Variants in CLTB observed in about 807,000 individuals in gnomAD.
The protein encoded by CLTB is clathrin light chain B.
A neutral mutation model predicts 30.5 loss-of-function variants in CLTB; 10 were observed. The ratio of observed to expected loss-of-function variants is 0.33; its 90% confidence interval spans 0.20 to 0.56. The LOEUF is 0.56. Among genes scored for constraint, CLTB ranks in the 20% least tolerant of loss-of-function variants. The pLI is 0.91. For synonymous variants in CLTB, 102 were observed against 120.3 expected, an observed-to-expected ratio of 0.85 and a Z score of 1.00; for missense variants, 261 against 308.3, an observed-to-expected ratio of 0.85 and a Z score of 1.15.
intron 2 of CLTB, among the ~76,000 whole-genome samples, chr5:176,404,487 G>A (rs568131299): frequency 6.6e-6 from 1 of 152,220 alleles, no homozygotes; most frequent in African/African-American, 2.4e-5. Context: ...CTAGCCCACA[G>A]CCAGCCAGCT....
At position 176,397,630 on chromosome 5, in the gene CLTB, T is replaced by C. The variant is rs139382437; in HGVS notation, c.441A>G (p.Val147=). The C allele has an allele frequency of 5.0e-6, 8 of 1,590,956 alleles. No homozygotes were observed. The highest frequency in any genetic ancestry group is 6.0e-6 in the Non-Finnish European group (7 of 1,166,484). Reference sequence around the variant, plus strand: ...ACCGGTTGTTGATCTTGTTCTTCTCTACTTGTTCACTCTGGCGCTGGTTCC... The same window carrying C: ...ACCGGTTGTTGATCTTGTTCTTCTCCACTTGTTCACTCTGGCGCTGGTTCC... ...EEWNQRQSEQ[V]EKNKINNRIA... is the part of the protein sequence containing the mutation. Residue 147 remains valine, a synonymous_variant, in exon 4 of 6, where the codon GTA becomes GTG. Transcript: ENST00000310418.
Position 176,393,950 on chromosome 5 carries a change from T to C in CLTB, c.519-1005A>G, listed in dbSNP as rs1408172112. Among the ~76,000 whole-genome samples the C allele has an allele frequency of 6.6e-6, 1 of 152,224 alleles. No individual in the cohort carries two copies. The highest frequency in any genetic ancestry group is 1.5e-5 in the Non-Finnish European group (1 of 68,038). ...TCTCCATCTCAAGCAGGACCAGTTC[T>C]GCCGATGCCAGACATGACTGATGGC... is the stretch of plus-strand genomic sequence containing the variant. On this transcript the variant is annotated intron_variant, in intron 5 of 5. Transcript: ENST00000310418. The surrounding 1 kb of genome is among the most constrained non-coding windows in gnomAD (Gnocchi z 4.4).
chr5:176,396,415 CAAGA>C, intron 5 of CLTB, 60 bp downstream of exon 5: 4 of 1,395,172 alleles, frequency 2.9e-6, no homozygotes, highest in Non-Finnish European at 4.1e-6. Flanking sequence ...GCAGGAAACT[CAAGA>C]AACTGTGGTG....
Position 176,396,565 on chromosome 5 carries a change from G to T in CLTB, c.465-33C>A, listed in dbSNP as rs755060024. On this transcript the variant is annotated intron_variant, in intron 4 of 5. Coordinates refer to ENST00000310418, the MANE Select transcript of CLTB (RefSeq NM_007097.5). ...GAAAGGTTGAGGGAAGGGGTTAGGT[G>T]GGGGAAGGCAGATGGCAAGACAGAC... The T allele has an allele frequency of 1.1e-5, 18 of 1,570,788 alleles. No individual in the cohort carries two copies. In the African/African-American group the frequency reaches 2.1e-4, roughly 18 times the overall value.
At chr5:176,415,314 G>A (rs1347241246) in intron 1 of CLTB, among the ~76,000 whole-genome samples, 3 of 152,120 alleles carry the variant, frequency 2.0e-5, no homozygotes, top group African/African-American at 7.2e-5. Context: ...CCCACACTCC[G>A]GTGTCTAACT....
chr5:176,400,932 G>C (rs1259163435), intron 2 of CLTB, among the ~76,000 whole-genome samples: 1 of 152,120 alleles, frequency 6.6e-6, no homozygotes, highest in Non-Finnish European at 1.5e-5. Context: ...GAACATCAGG[G>C]CTACAGTCTC....
At position 176,396,665 on chromosome 5, in the gene CLTB, G is replaced by T; in HGVS notation, c.465-133C>A. 3 of 738,838 alleles carry T rather than the reference G, an allele frequency of 4.1e-6. No individual in the cohort carries two copies. In the South Asian group the frequency reaches 4.4e-5, roughly 11 times the overall value. The allele number at this position is 738,838 out of a possible 1,614,324, so 45.8% of individuals were successfully genotyped here. ...AGTGGGAGAAATGTTAGGAAGCATA[G>T]TTCTGGAAGGCTCAGCAACGACCCA... On this transcript the variant is annotated intron_variant, in intron 4 of 5. Coordinates refer to ENST00000310418, the MANE Select transcript of CLTB (RefSeq NM_007097.5).
intron 2 of CLTB, among the ~76,000 whole-genome samples, chr5:176,403,166 CT>C (rs1325377731): frequency 2.7e-5 from 4 of 150,474 alleles, no homozygotes; most frequent in Non-Finnish European, 5.9e-5. Context: ...TCTCCTGCCT[CT>C]GCCTCCCAAG....
rs955588539 is a variant in CLTB at position 176,394,687 on chromosome 5, C to T, written c.519-1742G>A. 3.2e-4 allele frequency among the ~76,000 whole-genome samples: 48 copies of T among 152,068 alleles called. 1 individual carries two copies. Among genetic ancestry groups the T allele is most frequent in the Admixed American group, 2.6e-4 (4 of 15,270 alleles). ...AAAATTAGCCGGGCATGGTGGCGGG[C>T]ACCTGTAGTCCCAGCTACTCAGGAG... On this transcript the variant is annotated intron_variant, in intron 5 of 5. Transcript: ENST00000310418.
chr5:176,396,296 TC>T (rs1756517787), intron 5 of CLTB, among the ~76,000 whole-genome samples, 182 bp downstream of exon 5: 2 of 152,158 alleles, frequency 1.3e-5, no homozygotes. Context: ...CCAAGCAGCC[TC>T]CACTTCACTG....
At chr5:176,406,655 C>T (rs1338112858) in intron 2 of CLTB, 1 of 1,289,384 alleles carries the variant, frequency 7.8e-7, no homozygotes, top group Non-Finnish European at 1.0e-6. Flanking sequence ...CAGGCTCGTC[C>T]TTAGGCTGTA....
At chr5:176,405,222 G>T (rs934493160) in intron 2 of CLTB, among the ~76,000 whole-genome samples, 1 of 152,104 alleles carries the variant, frequency 6.6e-6, no homozygotes, top group Non-Finnish European at 1.5e-5. Flanking sequence ...AGGTGCAGCG[G>T]CTCACACCTG....
chr5:176,397,291 G>T (rs529011743), intron 4 of CLTB, among the ~76,000 whole-genome samples: 1 of 151,626 alleles, frequency 6.6e-6, no homozygotes, highest in African/African-American at 2.4e-5. Flanking sequence ...GCAGTGTTCA[G>T]TCATGTCCCC....
intron 1 of CLTB, among the ~76,000 whole-genome samples, chr5:176,411,209 T>C (rs1329702953): frequency 6.6e-6 from 1 of 152,244 alleles, no homozygotes; most frequent in Non-Finnish European, 1.5e-5. Flanking sequence ...AACGACTGCA[T>C]GGCTTTTGCC....
chr5:176,399,455 A>G (rs1326225269), intron 2 of CLTB, among the ~76,000 whole-genome samples: 1 of 152,084 alleles, frequency 6.6e-6, no homozygotes, highest in East Asian at 1.9e-4. Context: ...TCATTTGAAA[A>G]ATGGGGCTGG....
At chr5:176,404,370 C>T (rs1038974095) in intron 2 of CLTB, among the ~76,000 whole-genome samples, 1 of 152,226 alleles carries the variant, frequency 6.6e-6, no homozygotes, top group Non-Finnish European at 1.5e-5. Flanking sequence ...TTGTGAGAAG[C>T]GTCCGGGGCT....
At chr5:176,396,672 A>G (rs973271567) in intron 4 of CLTB, 140 bp from the exon 5 acceptor site, 3 of 721,986 alleles carry the variant, frequency 4.2e-6, no homozygotes, top group South Asian at 1.5e-5. Context: ...ATAGTTCTGG[A>G]AGGCTCAGCA....
At position 176,408,227 on chromosome 5, in the gene CLTB, CT is replaced by C. The variant is rs548324556; in HGVS notation, c.234+2029del. ...GAAATACACTTACTAGGGTTTTCCT[CT>C]TTTTTTTTTTTTTAAGACTGTCATG... On this transcript the variant is annotated intron_variant, in intron 2 of 5. Coordinates refer to ENST00000310418, the MANE Select transcript of CLTB (RefSeq NM_007097.5). Among the ~76,000 whole-genome samples, 729 of 144,012 alleles carry C rather than the reference CT, an allele frequency of 5.1e-3. 2 individuals carry two copies. Among genetic ancestry groups the C allele is most frequent in the African/African-American group, 0.014 (536 of 39,306 alleles). The allele number at this position is 144,012 out of a possible 152,430, so 94.5% of individuals were successfully genotyped here.
chr5:176,395,775 A>G (rs1303856798), intron 5 of CLTB, among the ~76,000 whole-genome samples: 2 of 152,176 alleles, frequency 1.3e-5, no homozygotes, highest in Admixed American at 6.5e-5. Context: ...TGGATGTCAC[A>G]AAGGAGCAGC....
Sources: gnomAD v4.1 joint callset for allele counts (sites outside exome capture counted in the v4.1 genomes callset) on GRCh38, gnomAD v4.1.1 for gene constraint, Gnocchi (gnomAD v3.1) non-coding constraint, MANE v1.5 for transcripts, NCBI Gene and HGNC (gene_info 2026-07-23, HGNC 2026-07-21) for gene names.